The following APC2 variants were observed in gnomAD, a reference collection of about 807,000 sequenced individuals.
APC2 encodes the protein APC regulator of Wnt signaling pathway 2, also known as adenomatous polyposis coli protein 2.
APC2 carries 41 observed loss-of-function variants against 72.5 expected under a neutral mutation model. That is an observed-to-expected ratio of 0.57 (90% CI 0.44 to 0.73). The LOEUF (loss-of-function observed/expected upper bound fraction) is 0.73. Ranked by LOEUF, APC2 falls within the 30% of genes least tolerant of loss-of-function variation. The pLI is 0.00. For missense variants in APC2, 3,729 were observed against 3,403.4 expected, an observed-to-expected ratio of 1.10 and a Z score of -2.38; for synonymous variants, 1,898 against 1,612.0, an observed-to-expected ratio of 1.18 and a Z score of -4.25.
At chr19:1,454,970 G>A (rs2656867) in intron 4 of APC2, among the ~76,000 whole-genome samples, 179 bp from the exon 5 acceptor site, 19,796 of 144,192 alleles carry the variant, frequency 0.14, 3,619 homozygotes, top group African/African-American at 0.42. Flanking sequence ...GCATCCCCCA[G>A]TTAATTTCAA....
In APC2 at chr19:1,453,573, G is replaced by A; in HGVS notation, c.375G>A (p.Arg125=). 1 of 1,609,962 alleles carries A rather than the reference G, an allele frequency of 6.2e-7. No individual in the cohort carries two copies. Among genetic ancestry groups the A allele is most frequent in the Admixed American group, 1.7e-5 (1 of 59,646 alleles). The change falls in exon 4 of 15, where the codon CGG becomes CGA. Residue 125 remains arginine, a synonymous_variant. Transcript: ENST00000590469. The stretch of plus-strand genomic sequence containing the variant: ...AGGACAGCTTTGGGGAGCTGAGCCG[G>A]GCCACCATCCGGCTGCTGGAGGAAC... ...PSKDSFGELS[R]ATIRLLEELD...
At chr19:1,459,468 C>A (rs924866202) in intron 10 of APC2, among the ~76,000 whole-genome samples, 1 of 152,154 alleles carries the variant, frequency 6.6e-6, no homozygotes, top group Non-Finnish European at 1.5e-5. Flanking sequence ...GCTCTAGCTG[C>A]CCCCCACTCC....
Position 1,468,787 on chromosome 19 carries a change from C to A in APC2, c.5486C>A (p.Pro1829Gln). Reference protein sequence around the residue: ...APPCLAQPAAPAKVPSPGQQR... With the variant: ...APPCLAQPAAQAKVPSPGQQR... Reference sequence around the variant, plus strand: ...CCTTGCCTGGCACAGCCCGCGGCTCCAGCCAAAGTCCCGAGCCCCGGGCAG... The same window carrying A: ...CCTTGCCTGGCACAGCCCGCGGCTCAAGCCAAAGTCCCGAGCCCCGGGCAG... Residue 1829 changes from proline (P) to glutamine (Q), a missense_variant, in exon 15 of 15, where the codon CCA becomes CAA. Coordinates refer to ENST00000590469, the MANE Select transcript of APC2 (RefSeq NM_005883.3). 6.6e-7 allele frequency: 1 copy of A among 1,519,646 alleles called. No individual in the cohort carries two copies. The highest frequency in any genetic ancestry group is 1.2e-5 in the South Asian group (1 of 82,826). 94.1% of individuals were successfully genotyped at this position (1,519,646 alleles called of 1,614,324 possible).
At chr19:1,456,210 G>A in intron 7 of APC2, 57 bp downstream of exon 7, 1 of 1,549,464 alleles carries the variant, frequency 6.5e-7, no homozygotes, top group Non-Finnish European at 8.7e-7. Context: ...GCAGAACGGG[G>A]CTCCTCGAGT....
At position 1,470,858 on chromosome 19, in the gene APC2, G is replaced by A. The variant is rs1362814028; in HGVS notation, c.*645G>A. 1.3e-5 allele frequency: 2 copies of A among 152,182 alleles called. No individual in the cohort carries two copies. Among genetic ancestry groups the A allele is most frequent in the African/African-American group, 4.8e-5 (2 of 41,418 alleles). The allele number at this position is 152,182 out of a possible 1,614,324, so 9.4% of individuals were successfully genotyped here. A position where few individuals can be genotyped will look rare whatever the true frequency, so the allele number is the denominator to read the frequency against. On this transcript the variant is annotated 3_prime_UTR_variant, in exon 15 of 15. Coordinates refer to ENST00000590469, the MANE Select transcript of APC2 (RefSeq NM_005883.3). Reference sequence around the variant, plus strand: ...GGTGTTCAGGGAACCCGGAGCCCAAGCGCTCCGGCGGAGCCCAAAAGGGTG... The same window carrying A: ...GGTGTTCAGGGAACCCGGAGCCCAAACGCTCCGGCGGAGCCCAAAAGGGTG...
intron 11 of APC2, 117 bp downstream of exon 11, chr19:1,460,437 C>T (rs2083904405): frequency 1.4e-6 from 2 of 1,479,378 alleles, no homozygotes; most frequent in Admixed American, 1.9e-5. Flanking sequence ...CACTTGTCCC[C>T]AACTTACAGA....
Position 1,460,794 on chromosome 19 carries a change from G to T in APC2, c.1458G>T (p.Ala486=). 1 of 1,613,110 alleles carries T rather than the reference G, an allele frequency of 6.2e-7. No individual in the cohort carries two copies. Among genetic ancestry groups the T allele is most frequent in the Non-Finnish European group, 8.5e-7 (1 of 1,179,930 alleles). ...GDVANKATLC[A]RRGCMEAIVA... ...ACCCCCAACAGGCCACCCTGTGTGC[G>T]CGCCGCGGCTGCATGGAGGCCATCG... Residue 486 remains alanine (A), a synonymous_variant, in exon 12 of 15, where the codon GCG becomes GCT. Coordinates refer to ENST00000590469, the MANE Select transcript of APC2 (RefSeq NM_005883.3).
At chr19:1,457,292 A>G in intron 9 of APC2, 49 bp downstream of exon 9, 2 of 1,472,832 alleles carry the variant, frequency 1.4e-6, no homozygotes, top group Non-Finnish European at 1.8e-6. Flanking sequence ...ACGTGCAGCT[A>G]GGGCTTCCCG....
At chr19:1,456,478 A>AGTG in intron 8 of APC2, 74 bp downstream of exon 8, 1 of 1,407,738 alleles carries the variant, frequency 7.1e-7, no homozygotes. Context: ...CATCCTCGCC[A>AGTG]GTGGTGGTGC....
Position 1,468,551 on chromosome 19 carries a change from G to A in APC2, c.5250G>A (p.Arg1750=). The change falls in exon 15 of 15, where the codon CGG becomes CGA. Residue 1750 remains arginine (R), a synonymous_variant. Transcript: ENST00000590469. ...AGGGAGAAATGGGCAGTGCCCGGCG[G>A]CCAGAGAAAAGGGGCGCAGCCTCAG... ...QAEGEMGSAR[R]PEKRGAASVK... The A allele has an allele frequency of 1.3e-6, 2 of 1,597,768 alleles. No individual in the cohort carries two copies. The highest frequency in any genetic ancestry group is 1.3e-5 in the African/African-American group (1 of 74,696).
Position 1,460,246 on chromosome 19 carries a change from C to T in APC2, c.1369C>T (p.Pro457Ser), listed in dbSNP as rs375267656. The change falls in exon 11 of 15, where the codon CCG (proline) becomes TCG (serine). Residue 457 changes from proline (P) to serine (S), a missense_variant. Coordinates refer to ENST00000590469, the MANE Select transcript of APC2 (RefSeq NM_005883.3). ...DYEMHKMTRD[P>S]LNLALRRYAG... ...TGAGATGCACAAGATGACCCGGGAC[C>T]CGCTGAACCTGGCGCTGCGCCGCTA... 6.2e-7 allele frequency: 1 copy of T among 1,613,466 alleles called. No homozygotes were observed. The highest frequency in any genetic ancestry group is 1.3e-5 in the African/African-American group (1 of 74,940).
In APC2 at chr19:1,466,136, C is replaced by T; in HGVS notation, c.2835C>T (p.Cys945=). The T allele has an allele frequency of 6.4e-7, 1 of 1,564,962 alleles. No homozygotes were observed. The highest frequency in any genetic ancestry group is 8.6e-7 in the Non-Finnish European group (1 of 1,165,994). ...GYCPREHMLP[C]PLAALASRRE... is the part of the protein sequence containing the mutation. ...GCCCACGCGAACATATGCTGCCCTG[C>T]CCGCTGGCCGCACTGGCTTCGCGCC... is the stretch of plus-strand genomic sequence containing the variant. Residue 945 remains cysteine (C), a synonymous_variant, in exon 15 of 15, where the codon TGC becomes TGT. Transcript: ENST00000590469.
chr19:1,469,255 C>A lies in APC2; in HGVS notation c.5954C>A (p.Ser1985Tyr). The part of the protein sequence containing the change: ...VASALSSGSE[S>Y]SDRSGFRRQL... ...TCAGCCCTCTCCAGCGGCAGCGAGTCCTCCGACCGCTCGGGCTTCCGGCGA... is the reference window on the plus strand; with the variant it reads ...TCAGCCCTCTCCAGCGGCAGCGAGTACTCCGACCGCTCGGGCTTCCGGCGA... The change falls in exon 15 of 15, where the codon TCC becomes TAC. Residue 1985 changes from serine to tyrosine, a missense_variant. Transcript: ENST00000590469. 7.0e-7 allele frequency: 1 copy of A among 1,427,666 alleles called. No homozygotes were observed. The highest frequency in any genetic ancestry group is 1.5e-5 in the African/African-American group (1 of 66,716). 88.4% of individuals were successfully genotyped at this position (1,427,666 alleles called of 1,614,324 possible).
At position 1,468,171 on chromosome 19, in the gene APC2, G is replaced by A. The variant is rs1282107626; in HGVS notation, c.4870G>A (p.Ala1624Thr). The A allele has an allele frequency of 1.4e-6, 2 of 1,452,588 alleles. No homozygotes were observed. The highest frequency in any genetic ancestry group is 1.8e-6 in the Non-Finnish European group (2 of 1,111,658). The allele number at this position is 1,452,588 out of a possible 1,614,324, so 90.0% of individuals were successfully genotyped here. ...GGRDSSPSPRAAEELLQRCIS... is the reference protein window; with the variant it reads ...GGRDSSPSPRTAEELLQRCIS... ...ACGCGACAGCTCGCCCAGCCCGCGGGCCGCGGAGGAGCTTCTGCAGCGGTG... is the reference window on the plus strand; with the variant it reads ...ACGCGACAGCTCGCCCAGCCCGCGGACCGCGGAGGAGCTTCTGCAGCGGTG... Residue 1624 changes from alanine (A) to threonine (T), a missense_variant, in exon 15 of 15, where the codon GCC becomes ACC. Physicochemically the swap from Ala to Thr is moderately conservative, Grantham distance 58. Coordinates refer to ENST00000590469, the MANE Select transcript of APC2 (RefSeq NM_005883.3).
In APC2 at chr19:1,468,072, C is replaced by T. The variant is rs1192937471; in HGVS notation, c.4771C>T (p.Pro1591Ser). The T allele has an allele frequency of 6.4e-7, 1 of 1,560,556 alleles. No homozygotes were observed. The highest frequency in any genetic ancestry group is 2.5e-5 in the East Asian group (1 of 40,678). Reference sequence around the variant, plus strand: ...CGCCAGCTCCCTCAGCGAGCCCGAGCCCTCGGAGCCGCCGGCCGTCCATCC... The same window carrying T: ...CGCCAGCTCCCTCAGCGAGCCCGAGTCCTCGGAGCCGCCGGCCGTCCATCC... Reference protein sequence around the residue: ...SSASSLSEPEPSEPPAVHPRG... With the variant: ...SSASSLSEPESSEPPAVHPRG... Residue 1591 changes from proline (P) to serine (S), a missense_variant, in exon 15 of 15, where the codon CCC becomes TCC. Physicochemically the swap from Pro to Ser is moderately conservative, Grantham distance 74. Transcript: ENST00000590469.
rs574530416 is a variant in APC2, at chr19:1,455,919, G to A, written c.640-157G>A. On this transcript the variant is annotated intron_variant, in intron 6 of 14. Coordinates refer to ENST00000590469, the MANE Select transcript of APC2 (RefSeq NM_005883.3). Reference sequence around the variant, plus strand: ...CGGGGCTTAGGGAGCTGGCAGGGCTGGATCAGGGAGAAGGCAGAGGTAGGG... The same window carrying A: ...CGGGGCTTAGGGAGCTGGCAGGGCTAGATCAGGGAGAAGGCAGAGGTAGGG... Among the ~76,000 whole-genome samples the A allele has an allele frequency of 1.6e-3, 63 of 39,016 alleles. 1 individual carries two copies. Among genetic ancestry groups the A allele is most frequent in the African/African-American group, 6.8e-3 (60 of 8,818 alleles). The allele number at this position is 39,016 out of a possible 152,430, so 25.6% of individuals were successfully genotyped here.
rs1188870794 is a variant in APC2 at position 1,469,526 on chromosome 19, C to A, written c.6225C>A (p.Arg2075=). The change falls in exon 15 of 15, where the codon CGC becomes CGA. Residue 2075 remains arginine (R), a synonymous_variant. Coordinates refer to ENST00000590469, the MANE Select transcript of APC2 (RefSeq NM_005883.3). ...RPSPGERPAR[R]TTSESPSRLP... ...GCCCTGGCGAGCGCCCTGCCCGGCGCACCACCTCCGAGAGCCCGTCCCGCC... is the reference window on the plus strand; with the variant it reads ...GCCCTGGCGAGCGCCCTGCCCGGCGAACCACCTCCGAGAGCCCGTCCCGCC... 8.5e-7 allele frequency: 1 copy of A among 1,177,262 alleles called. No individual in the cohort carries two copies. Among genetic ancestry groups the A allele is most frequent in the African/African-American group, 1.7e-5 (1 of 60,452 alleles). The allele number at this position is 1,177,262 out of a possible 1,614,324, so 72.9% of individuals were successfully genotyped here.
intron 9 of APC2, 138 bp downstream of exon 9, chr19:1,457,381 G>T (rs2083851125): frequency 1.6e-6 from 2 of 1,240,088 alleles, no homozygotes; most frequent in Non-Finnish European, 2.1e-6. Flanking sequence ...CTCCGGCCGA[G>T]GCCTGTGGGG....
intron 9 of APC2, chr19:1,457,472 TG>T: frequency 3.2e-6 from 2 of 620,406 alleles, no homozygotes; most frequent in Non-Finnish European, 5.3e-6. Flanking sequence ...AATGCATGGA[TG>T]GATCGTGGGT....
Sources: allele counts gnomAD v4.1 joint callset (sites outside exome capture counted in the v4.1 genomes callset), GRCh38; gene constraint gnomAD v4.1.1; transcripts MANE v1.5; gene names NCBI Gene and HGNC (gene_info 2026-07-23, HGNC 2026-07-21).